Variants in KHDRBS2 observed in about 807,000 individuals in gnomAD.
The protein encoded by KHDRBS2 is KH domain-containing, RNA-binding, signal transduction-associated protein 2.
KHDRBS2 carries 26 observed loss-of-function variants against 44.3 expected under a neutral mutation model. That is an observed-to-expected ratio of 0.59 (90% CI 0.43 to 0.81). The LOEUF is 0.81. Ranked by LOEUF, KHDRBS2 falls within the 40% of genes least tolerant of loss-of-function variation. The pLI, the probability that KHDRBS2 is intolerant of heterozygous loss-of-function variation, is 0.00. For synonymous variants in KHDRBS2, 194 were observed against 151.1 expected (o/e 1.28, Z -2.08); for missense variants, 476 against 433.1 (o/e 1.10, Z -0.88).
intron 4 of KHDRBS2, among the ~76,000 whole-genome samples, chr6:61,925,725 C>CA (rs563177938): frequency 0.019 from 1,713 of 89,016 alleles, 22 homozygotes; most frequent in African/African-American, 0.049. Flanking sequence ...CTCTCTCTCT[C>CA]AAAAAAAAAA....
intron 2 of KHDRBS2, among the ~76,000 whole-genome samples, chr6:62,072,016 T>C (rs1382610475): frequency 6.6e-6 from 1 of 152,190 alleles, no homozygotes; most frequent in African/African-American, 2.4e-5. Context: ...TTTTATTTCC[T>C]TGAGCAGTGG....
chr6:61,724,115 C>T (rs1255932142), intron 7 of KHDRBS2, among the ~76,000 whole-genome samples: 3 of 152,118 alleles, frequency 2.0e-5, no homozygotes, highest in African/African-American at 7.2e-5. Flanking sequence ...AGTGGAGAAC[C>T]TCTCAGTGGA....
In KHDRBS2 at chr6:61,955,658, A is replaced by G. The variant is rs1424914831; in HGVS notation, c.483+22408T>C. 4.0e-5 allele frequency among the ~76,000 whole-genome samples: 6 copies of G among 148,748 alleles called. 1 individual carries two copies. Among genetic ancestry groups the G allele is most frequent in the South Asian group, 2.1e-4 (1 of 4,720 alleles). On this transcript the variant is annotated intron_variant, in intron 4 of 8. Transcript: ENST00000281156. Reference sequence around the variant, plus strand: ...TATATACACGTATGTATGTATGCATATATGTGTATATGTACACATATGTAT... The same window carrying G: ...TATATACACGTATGTATGTATGCATGTATGTGTATATGTACACATATGTAT...
chr6:62,216,655 ATC>A, intron 1 of KHDRBS2, among the ~76,000 whole-genome samples: 1 of 150,486 alleles, frequency 6.6e-6, no homozygotes, highest in Non-Finnish European at 1.5e-5. Flanking sequence ...CTAAGGTTTG[ATC>A]CACCTGCTTC....
At chr6:62,052,914 G>T (rs1400889585) in intron 2 of KHDRBS2, among the ~76,000 whole-genome samples, 1 of 151,834 alleles carries the variant, frequency 6.6e-6, no homozygotes, top group African/African-American at 2.4e-5. Flanking sequence ...GGGGACCCCT[G>T]GTGTACACAA....
chr6:61,813,356 C>A (rs1788419604), intron 6 of KHDRBS2, among the ~76,000 whole-genome samples: 3 of 152,028 alleles, frequency 2.0e-5, no homozygotes, highest in Admixed American at 6.6e-5. Flanking sequence ...CCATTGGAAC[C>A]CAACTATATA....
At position 61,974,467 on chromosome 6, in the gene KHDRBS2, C is replaced by T. The variant is rs191872854; in HGVS notation, c.483+3599G>A. Among the ~76,000 whole-genome samples, 341 of 152,188 alleles carry T rather than the reference C, an allele frequency of 2.2e-3. 2 individuals carry two copies. Among genetic ancestry groups the T allele is most frequent in the African/African-American group, 8.0e-3 (333 of 41,526 alleles). ...GTTTAGGATTTTATATCCTGTTTCT[C>T]GTTACTCATCAAAAAATTTATTTTA... On this transcript the variant is annotated intron_variant, in intron 4 of 8. Coordinates refer to ENST00000281156, the MANE Select transcript of KHDRBS2 (RefSeq NM_152688.4).
At chr6:61,612,377 A>G in the KHDRBS2 span, among the ~76,000 whole-genome samples, 1 of 152,216 alleles carries the variant, frequency 6.6e-6, no homozygotes, top group Non-Finnish European at 1.5e-5. Flanking sequence ...TTTGGAAGGG[A>G]AAGTGGTTTG....
intron 8 of KHDRBS2, among the ~76,000 whole-genome samples, chr6:61,681,303 C>G (rs1766267281): frequency 6.6e-6 from 1 of 151,832 alleles, no homozygotes; most frequent in Non-Finnish European, 1.5e-5. Flanking sequence ...ATGTAAACCC[C>G]TGCCCATAAA....
chr6:61,838,861 C>T (rs1793131790), intron 6 of KHDRBS2, among the ~76,000 whole-genome samples: 4 of 152,022 alleles, frequency 2.6e-5, no homozygotes, highest in Admixed American at 1.3e-4. Context: ...TTCATACATT[C>T]GCTTGTTTTG....
the KHDRBS2 span, among the ~76,000 whole-genome samples, chr6:61,660,633 A>G: frequency 6.6e-6 from 1 of 151,786 alleles, no homozygotes; most frequent in Non-Finnish European, 1.5e-5. Context: ...GTTTCAGAAC[A>G]AATTAGAATT....
At chr6:62,021,303 T>C (rs558528822) in intron 3 of KHDRBS2, among the ~76,000 whole-genome samples, 1 of 151,972 alleles carries the variant, frequency 6.6e-6, no homozygotes, top group African/African-American at 2.4e-5. Flanking sequence ...AAATAATGAA[T>C]GGGTAATAGG....
chr6:61,728,739 A>G (rs1223127924), intron 7 of KHDRBS2, among the ~76,000 whole-genome samples: 4 of 152,200 alleles, frequency 2.6e-5, no homozygotes, highest in Non-Finnish European at 5.9e-5. Flanking sequence ...AAAGATAGAT[A>G]AAAAGATGAT....
chr6:61,620,839 G>T, the KHDRBS2 span, among the ~76,000 whole-genome samples: 1 of 152,184 alleles, frequency 6.6e-6, no homozygotes, highest in African/African-American at 2.4e-5. Context: ...TCTCCACAGT[G>T]AAAGCTAAAA....
At chr6:61,552,360 T>C in the KHDRBS2 span, among the ~76,000 whole-genome samples, 1 of 152,122 alleles carries the variant, frequency 6.6e-6, no homozygotes, top group Admixed American at 6.6e-5. Context: ...GTACATTGAT[T>C]TTGTATACTA....
In KHDRBS2 at chr6:62,197,386, G is replaced by T. The variant is rs116115058; in HGVS notation, c.92-20074C>A. ...CCTATGGTTACAATCAAATCAGCATGAATTTTAACTGGTATTATATACAAT... is the reference window on the plus strand; with the variant it reads ...CCTATGGTTACAATCAAATCAGCATTAATTTTAACTGGTATTATATACAAT... On this transcript the variant is annotated intron_variant, in intron 1 of 8. Transcript: ENST00000281156. 2.0e-3 allele frequency among the ~76,000 whole-genome samples: 306 copies of T among 152,134 alleles called. 2 individuals carry two copies. Among genetic ancestry groups the T allele is most frequent in the African/African-American group, 6.9e-3 (286 of 41,514 alleles).
chr6:62,148,088 G>C (rs900114881), intron 2 of KHDRBS2, among the ~76,000 whole-genome samples: 1 of 151,970 alleles, frequency 6.6e-6, no homozygotes, highest in African/African-American at 2.4e-5. Flanking sequence ...GACTGACTTC[G>C]TGACTTGACT....
intron 1 of KHDRBS2, among the ~76,000 whole-genome samples, chr6:62,265,461 C>A (rs1226383316): frequency 1.3e-5 from 2 of 151,678 alleles, no homozygotes; most frequent in Non-Finnish European, 2.9e-5. Context: ...TGAGACATAT[C>A]ATTAGTAGTG....
chr6:61,998,746 T>G (rs1381474911), intron 3 of KHDRBS2, among the ~76,000 whole-genome samples: 1 of 152,018 alleles, frequency 6.6e-6, no homozygotes, highest in Non-Finnish European at 1.5e-5. Context: ...TAAAAGGAAA[T>G]AAAAACTTTG....
Sources: allele counts gnomAD v4.1 joint callset (sites outside exome capture counted in the v4.1 genomes callset), GRCh38; gene constraint gnomAD v4.1.1; transcripts MANE v1.5; gene names NCBI Gene and HGNC (gene_info 2026-07-23, HGNC 2026-07-21).